The following LHFPL3 variants were observed in gnomAD, a reference collection of about 807,000 sequenced individuals.
The protein encoded by LHFPL3 is LHFPL tetraspan subfamily member 3.
Under a neutral mutation model 19.3 loss-of-function variants are expected in LHFPL3, and 5 were observed. The ratio of observed to expected loss-of-function variants is 0.26; its 90% CI spans 0.14 to 0.54. The LOEUF is 0.54. Ranked by LOEUF, LHFPL3 falls within the 20% of genes least tolerant of loss-of-function variation. The pLI is 0.94. For missense variants in LHFPL3, 249 were observed against 307.4 expected (o/e 0.81, Z 1.42); for synonymous variants, 133 against 126.2 (o/e 1.05, Z -0.36).
chr7:104,816,970 G>A (rs539210414), intron 2 of LHFPL3, among the ~76,000 whole-genome samples: 1 of 152,260 alleles, frequency 6.6e-6, no homozygotes, highest in South Asian at 2.1e-4. Flanking sequence ...CTTCTGAACT[G>A]CTAGCTCTTC....
At chr7:104,782,299 A>G (rs1789822766) in intron 2 of LHFPL3, among the ~76,000 whole-genome samples, 1 of 152,234 alleles carries the variant, frequency 6.6e-6, no homozygotes, top group Non-Finnish European at 1.5e-5. Flanking sequence ...GTGCTCCAAG[A>G]GAAAGGAAAA....
intron 1 of LHFPL3, among the ~76,000 whole-genome samples, chr7:104,639,812 A>G (rs117315756): frequency 0.014 from 2,093 of 152,330 alleles, 33 homozygotes; most frequent in Non-Finnish European, 0.022. Flanking sequence ...TAACATATAT[A>G]AAGTCATTGA....
chr7:104,840,006 C>G (rs1048277269), intron 2 of LHFPL3, among the ~76,000 whole-genome samples: 1 of 149,570 alleles, frequency 6.7e-6, no homozygotes, highest in East Asian at 2.0e-4. Context: ...ATTAATTGAT[C>G]ATTAAAATTA....
Position 104,724,609 on chromosome 7 carries a change from G to T in LHFPL3, c.446-12066G>T, listed in dbSNP as rs576095014. On this transcript the variant is annotated intron_variant, in intron 1 of 2. Coordinates refer to ENST00000424859, the MANE Select transcript of LHFPL3 (RefSeq NM_199000.3). Reference sequence around the variant, plus strand: ...CGACACACACTGGGACCTTTCAGAGGGTGGAGGGTGGGAGGAGGGAGAAGA... The same window carrying T: ...CGACACACACTGGGACCTTTCAGAGTGTGGAGGGTGGGAGGAGGGAGAAGA... Among the ~76,000 whole-genome samples, 3 of 152,274 alleles carry T rather than the reference G, an allele frequency of 2.0e-5. No homozygotes were observed. The East Asian group carries it at 5.8e-4, about 29-fold the overall frequency.
intron 1 of LHFPL3, among the ~76,000 whole-genome samples, chr7:104,445,218 A>G (rs1792308439): frequency 6.6e-6 from 1 of 152,212 alleles, no homozygotes; most frequent in Non-Finnish European, 1.5e-5. Context: ...TTATGTTATG[A>G]AAACAGATTG....
At chr7:104,608,823 G>A (rs1467392588) in intron 1 of LHFPL3, among the ~76,000 whole-genome samples, 1 of 152,120 alleles carries the variant, frequency 6.6e-6, no homozygotes, top group African/African-American at 2.4e-5. Flanking sequence ...ATCCACCTAC[G>A]TGGACAAATT....
At chr7:104,550,920 A>G (rs1337002060) in intron 1 of LHFPL3, among the ~76,000 whole-genome samples, 4 of 152,180 alleles carry the variant, frequency 2.6e-5, no homozygotes, top group Non-Finnish European at 4.4e-5. Flanking sequence ...AATCCCTTCA[A>G]ACAATCTTCT....
At chr7:104,882,701 TTAGA>T (rs1263643974) in intron 2 of LHFPL3, among the ~76,000 whole-genome samples, 1 of 152,156 alleles carries the variant, frequency 6.6e-6, no homozygotes, top group African/African-American at 2.4e-5. Context: ...TATTCTAAAA[TTAGA>T]TAGTGGTGAT....
chr7:104,453,055 A>T (rs1468908430), intron 1 of LHFPL3, among the ~76,000 whole-genome samples: 2 of 152,166 alleles, frequency 1.3e-5, no homozygotes, highest in African/African-American at 4.8e-5. Flanking sequence ...ATGTATTTCA[A>T]ATTCTTTTCC....
At chr7:104,561,799 A>C (rs577613619) in intron 1 of LHFPL3, among the ~76,000 whole-genome samples, 182 of 152,294 alleles carry the variant, frequency 1.2e-3, no homozygotes, top group African/African-American at 3.9e-3. Flanking sequence ...ACATTTTGGC[A>C]TGATTTTGCA....
chr7:104,417,884 C>CTTCT lies in LHFPL3; in HGVS notation c.445+88662_445+88663insCTTT, dbSNP rs1554391164. On this transcript the variant is annotated intron_variant, in intron 1 of 2. Transcript: ENST00000424859. ...TCTTCTTCTTCTTCTTCTTCTTCTT[C>CTTCT]TTTTTTTTTTTTTTTTGAGATGGGG... Among the ~76,000 whole-genome samples the CTTCT allele has an allele frequency of 1.3e-4, 15 of 117,754 alleles. 1 individual carries two copies. Among genetic ancestry groups the CTTCT allele is most frequent in the African/African-American group, 2.4e-4 (7 of 29,530 alleles). The allele number at this position is 117,754 out of a possible 152,430, so 77.3% of individuals were successfully genotyped here.
chr7:104,873,578 C>T (rs1179183160), intron 2 of LHFPL3, among the ~76,000 whole-genome samples: 12 of 152,088 alleles, frequency 7.9e-5, no homozygotes, highest in South Asian at 2.1e-4. Context: ...CAGCGAGCTA[C>T]GATCACGTCG....
At chr7:104,557,894 G>T (rs910364303) in intron 1 of LHFPL3, among the ~76,000 whole-genome samples, 1 of 146,454 alleles carries the variant, frequency 6.8e-6, no homozygotes, top group Non-Finnish European at 1.5e-5. Flanking sequence ...TGATCTCATT[G>T]TTCAATTCCC....
In LHFPL3 at chr7:104,867,968, C is replaced by T. The variant is rs574608814; in HGVS notation, c.683-38219C>T. ...TAATCCAGCATATAAACAGAACCAA[C>T]GACAAAAACCATATGATTATCTCAA... On this transcript the variant is annotated intron_variant, in intron 2 of 2. Transcript: ENST00000424859. 7.5e-4 allele frequency among the ~76,000 whole-genome samples: 114 copies of T among 152,108 alleles called. No individual in the cohort carries two copies. The East Asian group carries it at 0.018, about 23-fold the overall frequency.
rs756510558 is a variant in LHFPL3, at chr7:104,328,804, G to T, written c.25G>T (p.Ala9Ser). The T allele has an allele frequency of 6.2e-7, 1 of 1,603,262 alleles. No homozygotes were observed. Among genetic ancestry groups the T allele is most frequent in the East Asian group, 2.3e-5 (1 of 44,390 alleles). The change falls in exon 1 of 3, where the codon GCC (alanine) becomes TCC (serine). Residue 9 changes from alanine to serine, a missense_variant. Coordinates refer to ENST00000424859, the MANE Select transcript of LHFPL3 (RefSeq NM_199000.3). The surrounding 1 kb of genome is among the most constrained non-coding windows in gnomAD (Gnocchi z 4.6). ...AATGCCCGGAGCCGCCGCCGCTGCCGCCGCCGCCGCCGCCGCGATGCTCCC... is the reference window on the plus strand; with the variant it reads ...AATGCCCGGAGCCGCCGCCGCTGCCTCCGCCGCCGCCGCCGCGATGCTCCC... MPGAAAAAAAAAAAMLPAQ... is the reference protein window; with the variant it reads MPGAAAAASAAAAAMLPAQ...
chr7:104,658,904 T>C (rs1343760681), intron 1 of LHFPL3, among the ~76,000 whole-genome samples: 1 of 152,164 alleles, frequency 6.6e-6, no homozygotes, highest in Non-Finnish European at 1.5e-5. Context: ...ATGACACAGA[T>C]GATTTCCAGA....
chr7:104,357,606 A>G (rs1273316584), intron 1 of LHFPL3, among the ~76,000 whole-genome samples: 2 of 152,224 alleles, frequency 1.3e-5, no homozygotes, highest in Non-Finnish European at 2.9e-5. Context: ...AAGGAGATAA[A>G]TATTAAGAGA....
chr7:104,420,075 C>T (rs1157314590), intron 1 of LHFPL3, among the ~76,000 whole-genome samples: 1 of 152,162 alleles, frequency 6.6e-6, no homozygotes, highest in Non-Finnish European at 1.5e-5. Flanking sequence ...TTCCAGGGGG[C>T]CAGAACTCAG....
intron 1 of LHFPL3, chr7:104,667,664 TA>T: frequency 1.0e-6 from 1 of 988,910 alleles, no homozygotes; most frequent in Non-Finnish European, 1.5e-6. Flanking sequence ...AAATAGTAAC[TA>T]AAGTTAACAT....
Sources: allele counts gnomAD v4.1 joint callset (sites outside exome capture counted in the v4.1 genomes callset), GRCh38; gene constraint gnomAD v4.1.1; non-coding constraint Gnocchi (gnomAD v3.1); transcripts MANE v1.5; gene names NCBI Gene and HGNC (gene_info 2026-07-23, HGNC 2026-07-21).